The following TBC1D15 variants were observed in gnomAD, a reference collection of about 807,000 sequenced individuals.
TBC1D15 encodes TBC1 domain family member 15, also known as GAP for RAB7.
In TBC1D15, 39 loss-of-function variants were observed where a neutral mutation model predicts 95.4. The observed-to-expected ratio is 0.41, with a 90% confidence interval of 0.32 to 0.53. The LOEUF is 0.53. Ranked by LOEUF, TBC1D15 falls within the 20% of genes least tolerant of loss-of-function variation. The pLI, the probability that TBC1D15 is intolerant of heterozygous loss-of-function variation, is 0.29. For missense variants in TBC1D15, 733 were observed against 794.3 expected, an observed-to-expected ratio of 0.92 and a Z score of 0.93; for synonymous variants, 258 against 261.3, an observed-to-expected ratio of 0.99 and a Z score of 0.12.
chr12:71,868,687 CT>C (rs1892024482), intron 1 of TBC1D15: 1 of 152,170 alleles, frequency 6.6e-6, no homozygotes, highest in Admixed American at 6.5e-5. Flanking sequence ...GGAAGAGTTG[CT>C]TAATGTGCCT....
chr12:71,888,541 T>C (rs899777132), intron 5 of TBC1D15, among the ~76,000 whole-genome samples: 2 of 152,094 alleles, frequency 1.3e-5, no homozygotes, highest in African/African-American at 4.8e-5. Context: ...TATGACATTA[T>C]AATAATTCAC....
Position 71,899,377 on chromosome 12 carries a change from G to GT in TBC1D15, c.1183+1440dup, listed in dbSNP as rs1331777491. On this transcript the variant is annotated intron_variant, in intron 10 of 16. Coordinates refer to ENST00000485960, the MANE Select transcript of TBC1D15 (RefSeq NM_001146213.3). ...TTGTCTTAAGCCATCTATCTCGTTAGTTTTATAGTTCAGACTCATTCATAC... is the reference window on the plus strand; with the variant it reads ...TTGTCTTAAGCCATCTATCTCGTTAGTTTTTATAGTTCAGACTCATTCATAC... Among the ~76,000 whole-genome samples, 9 of 152,258 alleles carry GT rather than the reference G, an allele frequency of 5.9e-5. No individual in the cohort carries two copies. In the East Asian group the frequency reaches 1.5e-3, roughly 26 times the overall value.
At chr12:71,883,405 G>T (rs952243189) in intron 4 of TBC1D15, among the ~76,000 whole-genome samples, 1 of 152,098 alleles carries the variant, frequency 6.6e-6, no homozygotes, top group Non-Finnish European at 1.5e-5. Context: ...TGTCCAAACT[G>T]GTGTGAAAGC....
chr12:71,869,062 A>G (rs1487220147), intron 1 of TBC1D15: 1 of 152,204 alleles, frequency 6.6e-6, no homozygotes, highest in Non-Finnish European at 1.5e-5. Flanking sequence ...TACTGTAGTG[A>G]ATTAGATGAA....
chr12:71,862,629 G>T (rs2138144794), intron 1 of TBC1D15, among the ~76,000 whole-genome samples: 1 of 152,168 alleles, frequency 6.6e-6, no homozygotes, highest in South Asian at 2.1e-4. Context: ...AATTTAATTT[G>T]TTTACATTCA....
At chr12:71,873,584 T>C (rs7297467) in intron 3 of TBC1D15, among the ~76,000 whole-genome samples, 13,161 of 152,218 alleles carry the variant, frequency 0.086, 646 homozygotes, top group South Asian at 0.15. Context: ...CTTGAGTATA[T>C]ACCTAGGAGT....
At position 71,914,990 on chromosome 12, in the gene TBC1D15, G is replaced by A. The variant is rs1474971500; in HGVS notation, c.1401+1064G>A. 2.0e-5 allele frequency among the ~76,000 whole-genome samples: 3 copies of A among 151,898 alleles called. No individual in the cohort carries two copies. In the East Asian group the frequency reaches 5.8e-4, roughly 29 times the overall value. On this transcript the variant is annotated intron_variant, in intron 12 of 16. Coordinates refer to ENST00000485960, the MANE Select transcript of TBC1D15 (RefSeq NM_001146213.3). ...TTTTTTCTAAATGTATACTTGGTAA[G>A]ATTTGATAGATTTAAAATGTTCTTT...
At chr12:71,887,422 A>G (rs373486919) in intron 5 of TBC1D15, among the ~76,000 whole-genome samples, 6 of 152,262 alleles carry the variant, frequency 3.9e-5, no homozygotes, top group Admixed American at 6.5e-5. Context: ...ATAAAATCCA[A>G]ACTTCTTCAC....
chr12:71,857,777 C>T (rs560995223), intron 1 of TBC1D15, among the ~76,000 whole-genome samples: 4 of 152,116 alleles, frequency 2.6e-5, no homozygotes, highest in African/African-American at 9.7e-5. Context: ...TGCTGTAGAA[C>T]GTTAGAATTT....
chr12:71,872,930 A>T lies in TBC1D15; in HGVS notation c.131A>T (p.Asp44Val). ...ISGILRVLEK[D>V]AEVIVDWRPL... ...ATAGTTCATAATTTCTTTCTCTAGGATGCCGAAGTAATAGTGGACTGGAGA... is the reference window on the plus strand; with the variant it reads ...ATAGTTCATAATTTCTTTCTCTAGGTTGCCGAAGTAATAGTGGACTGGAGA... The change falls in exon 3 of 17, where the codon GAT becomes GTT. Residue 44 changes from aspartate to valine, a missense_variant and splice_region_variant. Asp to Val is a radical substitution (Grantham distance 152). Transcript: ENST00000485960. The T allele has an allele frequency of 6.2e-7, 1 of 1,601,740 alleles. No homozygotes were observed. The highest frequency in any genetic ancestry group is 8.5e-7 in the Non-Finnish European group (1 of 1,173,894).
At chr12:71,850,743 C>T (rs1202861814) in intron 1 of TBC1D15, among the ~76,000 whole-genome samples, 1 of 152,078 alleles carries the variant, frequency 6.6e-6, no homozygotes, top group African/African-American at 2.4e-5. Context: ...AATCCTAGCA[C>T]TTTGGGAGAC....
At chr12:71,897,974 G>A (rs780934976) in intron 10 of TBC1D15, 33 bp downstream of exon 10, 1 of 1,471,492 alleles carries the variant, frequency 6.8e-7, no homozygotes, top group South Asian at 1.1e-5. Flanking sequence ...GGAAATGCAA[G>A]GGGGGATTAC....
chr12:71,902,981 C>T (rs916554857), intron 10 of TBC1D15, among the ~76,000 whole-genome samples: 2 of 152,140 alleles, frequency 1.3e-5, no homozygotes, highest in African/African-American at 2.4e-5. Flanking sequence ...AGTGCAATCT[C>T]GGCTCACTGC....
chr12:71,883,683 G>A (rs145270479), intron 4 of TBC1D15, among the ~76,000 whole-genome samples: 245 of 152,212 alleles, frequency 1.6e-3, no homozygotes, highest in African/African-American at 4.0e-3. Context: ...TGTGGGACTG[G>A]TAGTATGGGA....
At chr12:71,845,947 A>T (rs1886165813) in intron 1 of TBC1D15, among the ~76,000 whole-genome samples, 1 of 151,850 alleles carries the variant, frequency 6.6e-6, no homozygotes, top group South Asian at 2.1e-4. Flanking sequence ...TAGGGACAGT[A>T]TAAAAAATTA....
chr12:71,845,903 AATC>A (rs544313861), intron 1 of TBC1D15, among the ~76,000 whole-genome samples: 4 of 152,162 alleles, frequency 2.6e-5, no homozygotes, highest in Non-Finnish European at 5.9e-5. Context: ...AAATTATAAT[AATC>A]ATAATATAAG....
At position 71,924,113 on chromosome 12, in the gene TBC1D15, C is replaced by T. The variant is rs958325307; in HGVS notation, c.*909C>T. ...CAGGTGTTTAAATTTTTATAAAATA[C>T]TCTTGCAAAAAGTTTATTTGAAAAA... On this transcript the variant is annotated 3_prime_UTR_variant, in exon 17 of 17. Transcript: ENST00000485960. The T allele has an allele frequency of 2.6e-5, 4 of 152,476 alleles. No homozygotes were observed. Among genetic ancestry groups the T allele is most frequent in the African/African-American group, 7.2e-5 (3 of 41,482 alleles). The allele number at this position is 152,476 out of a possible 1,614,324, so 9.4% of individuals were successfully genotyped here. A position where few individuals can be genotyped will look rare whatever the true frequency, so the allele number is the denominator to read the frequency against.
intron 10 of TBC1D15, among the ~76,000 whole-genome samples, chr12:71,901,508 G>A (rs1899391633): frequency 1.3e-5 from 2 of 152,048 alleles, no homozygotes. Flanking sequence ...TGGGACTGGA[G>A]ATAAATTTAG....
At chr12:71,857,922 G>A (rs776594547) in intron 1 of TBC1D15, among the ~76,000 whole-genome samples, 5 of 152,036 alleles carry the variant, frequency 3.3e-5, no homozygotes, top group African/African-American at 7.2e-5. Context: ...TAGCTTCCAC[G>A]TAAGAGAACA....
Sources: gnomAD v4.1 joint callset for allele counts (sites outside exome capture counted in the v4.1 genomes callset) on GRCh38, gnomAD v4.1.1 for gene constraint, MANE v1.5 for transcripts, NCBI Gene and HGNC (gene_info 2026-07-23, HGNC 2026-07-21) for gene names.